GATAD2B: variants seen among roughly 807,000 people sequenced by gnomAD.
GATAD2B encodes transcriptional repressor p66-beta.
Under a neutral mutation model 64.3 loss-of-function variants are expected in GATAD2B, and 8 were observed. The observed-to-expected ratio is 0.12, with a 90% CI of 0.07 to 0.22. GATAD2B has a LOEUF of 0.22. Among genes scored for constraint, GATAD2B ranks in the 10% least tolerant of loss-of-function variants. GATAD2B has a pLI of 1.00. For missense variants in GATAD2B, 453 were observed against 752.0 expected (o/e 0.60, Z 4.65); for synonymous variants, 281 against 271.3 (o/e 1.04, Z -0.35).
At chr1:153,884,589 T>G (rs991963234) in intron 1 of GATAD2B, among the ~76,000 whole-genome samples, 1 of 151,972 alleles carries the variant, frequency 6.6e-6, no homozygotes, top group African/African-American at 2.4e-5. Flanking sequence ...GGGACAAGAG[T>G]GAGACTTCAT....
chr1:153,853,950 T>C (rs1375474888), intron 1 of GATAD2B, among the ~76,000 whole-genome samples: 1 of 152,158 alleles, frequency 6.6e-6, no homozygotes, highest in Non-Finnish European at 1.5e-5. Flanking sequence ...GAGCCCAAGC[T>C]GAGACACAGA....
intron 1 of GATAD2B, among the ~76,000 whole-genome samples, chr1:153,848,863 G>C (rs996534040): frequency 1.3e-5 from 2 of 152,124 alleles, no homozygotes; most frequent in Non-Finnish European, 2.9e-5. Context: ...CTGAGGCAGA[G>C]AACTGCTTGA....
rs1196060534 is a variant in GATAD2B, at chr1:153,806,618, T to G, written c.*3559A>C. 2 of 152,084 alleles carry G rather than the reference T, an allele frequency of 1.3e-5. No homozygotes were observed. Among genetic ancestry groups the G allele is most frequent in the African/African-American group, 4.8e-5 (2 of 41,326 alleles). The allele number at this position is 152,084 out of a possible 1,614,324, so 9.4% of individuals were successfully genotyped here. A position where few individuals can be genotyped will look rare whatever the true frequency, so the allele number is the denominator to read the frequency against. On this transcript the variant is annotated 3_prime_UTR_variant, in exon 11 of 11. Coordinates refer to ENST00000368655, the MANE Select transcript of GATAD2B (RefSeq NM_020699.4). ...CTTTTTTTTCTCTTTTTCAGGTTTT[T>G]TTTTTTTTCTACACAATGTACAATT...
intron 1 of GATAD2B, among the ~76,000 whole-genome samples, chr1:153,840,733 A>G (rs1276994835): frequency 1.3e-5 from 2 of 152,192 alleles, no homozygotes; most frequent in Non-Finnish European, 2.9e-5. Flanking sequence ...GAAAATTTTC[A>G]TTTTTATGTT....
intron 1 of GATAD2B, among the ~76,000 whole-genome samples, chr1:153,836,707 C>T (rs1265549782): frequency 2.0e-5 from 3 of 152,112 alleles, no homozygotes; most frequent in Admixed American, 1.3e-4. Context: ...AAGATATACA[C>T]ATTTAAGTTG....
chr1:153,896,923 C>A (rs1677612210), intron 1 of GATAD2B, among the ~76,000 whole-genome samples: 1 of 152,104 alleles, frequency 6.6e-6, no homozygotes. Context: ...ATTAGTAAGA[C>A]CCATTTTTGA....
intron 1 of GATAD2B, among the ~76,000 whole-genome samples, chr1:153,845,868 G>A (rs1570953336): frequency 6.6e-6 from 1 of 152,054 alleles, no homozygotes; most frequent in East Asian, 1.9e-4. Context: ...TCTGGTGTTT[G>A]AGACTGCAGT....
chr1:153,812,003 C>T lies in GATAD2B; in HGVS notation c.1530+19G>A. 2 of 1,467,586 alleles carry T rather than the reference C, an allele frequency of 1.4e-6. No individual in the cohort carries two copies. Among genetic ancestry groups the T allele is most frequent in the African/African-American group, 1.4e-5 (1 of 72,236 alleles). The allele number at this position is 1,467,586 out of a possible 1,614,324, so 90.9% of individuals were successfully genotyped here. ...ATAAATCTTCTAAAGAAATCAGGATCAGGCAAAAAGTTCCTTACCTGCCGA... is the reference window on the plus strand; with the variant it reads ...ATAAATCTTCTAAAGAAATCAGGATTAGGCAAAAAGTTCCTTACCTGCCGA... On this transcript the variant is annotated intron_variant, in intron 9 of 10. Transcript: ENST00000368655.
intron 6 of GATAD2B, among the ~76,000 whole-genome samples, 189 bp downstream of exon 6, chr1:153,817,183 C>T (rs543265982): frequency 6.6e-6 from 1 of 152,362 alleles, no homozygotes; most frequent in South Asian, 2.1e-4. Context: ...CTCTCCTCCA[C>T]TACTATTTTA....
intron 8 of GATAD2B, among the ~76,000 whole-genome samples, chr1:153,812,839 G>A (rs1035625116): frequency 5.9e-5 from 9 of 152,130 alleles, no homozygotes; most frequent in Admixed American, 1.3e-4. Flanking sequence ...ACATACTCTA[G>A]AACCACTACT....
intron 1 of GATAD2B, among the ~76,000 whole-genome samples, chr1:153,849,479 T>C (rs1570956681): frequency 6.6e-6 from 1 of 152,310 alleles, no homozygotes; most frequent in Non-Finnish European, 1.5e-5. Context: ...ATGTCCAAAA[T>C]TGTTTCTTCC....
Position 153,806,926 on chromosome 1 carries a change from G to C in GATAD2B, c.*3251C>G, listed in dbSNP as rs1674129254. Reference sequence around the variant, plus strand: ...AAAGGGGAAAGGAAAGGTAACCAAAGCAGGAAAACATTTATCTCTGTGTCT... The same window carrying C: ...AAAGGGGAAAGGAAAGGTAACCAAACCAGGAAAACATTTATCTCTGTGTCT... On this transcript the variant is annotated 3_prime_UTR_variant, in exon 11 of 11. Coordinates refer to ENST00000368655, the MANE Select transcript of GATAD2B (RefSeq NM_020699.4). 1 of 152,070 alleles carries C rather than the reference G, an allele frequency of 6.6e-6. No individual in the cohort carries two copies. Among genetic ancestry groups the C allele is most frequent in the Non-Finnish European group, 1.5e-5 (1 of 68,008 alleles). 9.4% of individuals were successfully genotyped at this position (152,070 alleles called of 1,614,324 possible).
In GATAD2B at chr1:153,838,519, C is replaced by CT. The variant is rs35340298; in HGVS notation, c.-1-10172dup. On this transcript the variant is annotated intron_variant, in intron 1 of 10. Coordinates refer to ENST00000368655, the MANE Select transcript of GATAD2B (RefSeq NM_020699.4). The stretch of plus-strand genomic sequence containing the variant: ...GCGCCCTGCCTCTTTTTTTTTCCCC[C>CT]TTTTTTGAGTCTCACTCTGTCATCC... 4.0e-5 allele frequency among the ~76,000 whole-genome samples: 6 copies of CT among 151,846 alleles called. No homozygotes were observed. In the South Asian group the frequency reaches 1.0e-3, roughly 26 times the overall value.
At chr1:153,852,704 A>C (rs1675944638) in intron 1 of GATAD2B, 1 of 928,440 alleles carries the variant, frequency 1.1e-6, no homozygotes, top group Non-Finnish European at 1.8e-6. Context: ...CCCTGCTGAG[A>C]GCCTGCTCAT....
intron 1 of GATAD2B, chr1:153,890,485 C>G (rs1405643198): frequency 7.1e-6 from 1 of 140,050 alleles, no homozygotes; most frequent in Non-Finnish European, 1.5e-5. Context: ...AAGACTCCGT[C>G]TCAAAAAAAA....
At chr1:153,863,648 A>G (rs1321899218) in intron 1 of GATAD2B, among the ~76,000 whole-genome samples, 1 of 151,410 alleles carries the variant, frequency 6.6e-6, no homozygotes, top group Admixed American at 6.6e-5. Context: ...TTTCCAAGAC[A>G]GAGTCTCGCT....
chr1:153,900,159 T>G (rs1254208997), intron 1 of GATAD2B, among the ~76,000 whole-genome samples: 1 of 152,162 alleles, frequency 6.6e-6, no homozygotes, highest in Non-Finnish European at 1.5e-5. Context: ...GGCTCATGCC[T>G]GTAATCCCAG....
chr1:153,901,655 C>G (rs1677777341), intron 1 of GATAD2B, among the ~76,000 whole-genome samples: 1 of 151,302 alleles, frequency 6.6e-6, no homozygotes, highest in Middle Eastern at 3.4e-3. Context: ...TGAAACCCAT[C>G]TCTACTAAAA....
At chr1:153,869,441 T>C (rs1676589586) in intron 1 of GATAD2B, among the ~76,000 whole-genome samples, 1 of 152,236 alleles carries the variant, frequency 6.6e-6, no homozygotes, top group Non-Finnish European at 1.5e-5. Context: ...CATAAACTTA[T>C]GGATATTTAT....
Sources: gnomAD v4.1 joint callset for allele counts (sites outside exome capture counted in the v4.1 genomes callset) on GRCh38, gnomAD v4.1.1 for gene constraint, MANE v1.5 for transcripts, NCBI Gene and HGNC (gene_info 2026-07-23, HGNC 2026-07-21) for gene names.